Variants in GRHL2 observed in about 807,000 individuals in gnomAD.
GRHL2 encodes the protein grainyhead like transcription factor 2.
Under a neutral mutation model 83.8 loss-of-function variants are expected in GRHL2, and 21 were observed. That is an observed-to-expected ratio of 0.25 (90% CI 0.18 to 0.36). The LOEUF (loss-of-function observed/expected upper bound fraction) is 0.36. GRHL2 is among the 10% of genes least tolerant of loss of function. The pLI is 1.00. For synonymous variants in GRHL2, 280 were observed against 278.9 expected (o/e 1.00, Z -0.04); for missense variants, 623 against 781.8 (o/e 0.80, Z 2.42).
chr8:101,627,381 T>C (rs775580819), intron 9 of GRHL2, among the ~76,000 whole-genome samples: 1 of 152,074 alleles, frequency 6.6e-6, no homozygotes, highest in Non-Finnish European at 1.5e-5. Context: ...TTGGTGTTAC[T>C]ATTGTAATTG....
At chr8:101,659,966 T>G (rs868484549) in intron 14 of GRHL2, among the ~76,000 whole-genome samples, 3 of 152,224 alleles carry the variant, frequency 2.0e-5, no homozygotes, top group Non-Finnish European at 4.4e-5. Flanking sequence ...TACGTAGAAG[T>G]ATTTCAAAGA....
chr8:101,636,724 T>TACACACACAC lies in GRHL2; in HGVS notation c.1486-140_1486-131dup, dbSNP rs3029438. ...ACTTAAATATGCATTTCCTTAGAAA[T>TACACACACAC]ACACACACACACACACACACACACA... is the stretch of plus-strand genomic sequence containing the variant. On this transcript the variant is annotated intron_variant, in intron 11 of 15. Coordinates refer to ENST00000646743, the MANE Select transcript of GRHL2 (RefSeq NM_024915.4). 1,715 of 483,494 alleles carry TACACACACAC rather than the reference T, an allele frequency of 3.5e-3. 7 individuals carry two copies. The highest frequency in any genetic ancestry group is 5.9e-3 in the African/African-American group (291 of 49,526). The allele number at this position is 483,494 out of a possible 1,614,324, so 30.0% of individuals were successfully genotyped here. A position where few individuals can be genotyped will look rare whatever the true frequency, so the allele number is the denominator to read the frequency against.
intron 7 of GRHL2, among the ~76,000 whole-genome samples, chr8:101,589,424 G>T (rs1227289204): frequency 4.6e-5 from 7 of 152,212 alleles, no homozygotes; most frequent in Non-Finnish European, 5.9e-5. Context: ...GTGTGTCTAT[G>T]TACAGGATAT....
chr8:101,632,920 C>T (rs1813216050), intron 11 of GRHL2, among the ~76,000 whole-genome samples: 1 of 152,188 alleles, frequency 6.6e-6, no homozygotes, highest in African/African-American at 2.4e-5. Flanking sequence ...AACGAAAGAT[C>T]TCAAACTAAC....
At chr8:101,607,577 G>A (rs796152608) in intron 8 of GRHL2, among the ~76,000 whole-genome samples, 12 of 152,290 alleles carry the variant, frequency 7.9e-5, no homozygotes, top group African/African-American at 2.4e-4. Flanking sequence ...TTAAACAGGC[G>A]ATCTTGTGGA....
At chr8:101,536,894 A>G (rs1010825544) in intron 1 of GRHL2, among the ~76,000 whole-genome samples, 2 of 152,102 alleles carry the variant, frequency 1.3e-5, no homozygotes, top group South Asian at 4.2e-4. Flanking sequence ...AGTACCCAAT[A>G]GTCATTTTTT....
intron 13 of GRHL2, among the ~76,000 whole-genome samples, chr8:101,649,077 T>A (rs537364784): frequency 6.6e-6 from 1 of 152,282 alleles, no homozygotes; most frequent in South Asian, 2.1e-4. Flanking sequence ...CAGTAATATT[T>A]GTCAAAGGAA....
intron 14 of GRHL2, 117 bp from the exon 15 acceptor site, chr8:101,664,337 G>A: frequency 1.7e-6 from 1 of 598,436 alleles, no homozygotes; most frequent in East Asian, 3.0e-5. Flanking sequence ...CGACTCATGA[G>A]TGAAGAGCAC....
the GRHL2 span, among the ~76,000 whole-genome samples, chr8:101,678,698 G>A: frequency 6.6e-6 from 1 of 151,766 alleles, no homozygotes; most frequent in Non-Finnish European, 1.5e-5. Context: ...CAGCTTTGAA[G>A]AGAGCAGTGG....
intron 14 of GRHL2, among the ~76,000 whole-genome samples, chr8:101,661,024 T>A (rs553869431): frequency 1.3e-5 from 2 of 152,238 alleles, no homozygotes; most frequent in South Asian, 2.1e-4. Context: ...CATAACCCTA[T>A]GTGCCGAGCT....
intron 14 of GRHL2, among the ~76,000 whole-genome samples, chr8:101,652,564 G>A (rs1354934476): frequency 2.7e-5 from 2 of 75,340 alleles, no homozygotes; most frequent in African/African-American, 1.2e-4. Flanking sequence ...ATGTGTGGTG[G>A]TGTGTGTGTG....
intron 1 of GRHL2, among the ~76,000 whole-genome samples, chr8:101,538,247 C>G (rs193263165): frequency 6.1e-4 from 93 of 152,252 alleles, no homozygotes; most frequent in African/African-American, 1.7e-3. Context: ...CTGCATTTGA[C>G]TGCTATTATA....
intron 7 of GRHL2, among the ~76,000 whole-genome samples, chr8:101,595,394 A>G (rs1812371911): frequency 6.6e-6 from 1 of 152,202 alleles, no homozygotes; most frequent in Admixed American, 6.5e-5. Context: ...ACATGTTTGA[A>G]CAAATTTTCT....
At chr8:101,581,033 C>G (rs939392358) in intron 7 of GRHL2, among the ~76,000 whole-genome samples, 1 of 152,216 alleles carries the variant, frequency 6.6e-6, no homozygotes, top group Admixed American at 6.5e-5. Context: ...TCGAAGCCCT[C>G]TCTCCACCAT....
rs1563605478 is a variant in GRHL2 at position 101,608,749 on chromosome 8, AC to A, written c.1098+9599del. ...TGCTCACTCTCTCACACACACACAC[AC>A]ACACACACACACACACACACACACA... On this transcript the variant is annotated intron_variant, in intron 8 of 15. Coordinates refer to ENST00000646743, the MANE Select transcript of GRHL2 (RefSeq NM_024915.4). Among the ~76,000 whole-genome samples the A allele has an allele frequency of 1.2e-3, 169 of 141,778 alleles. 8 individuals are homozygous for A. The highest frequency in any genetic ancestry group is 1.0e-3 in the Non-Finnish European group (69 of 67,152). The allele number at this position is 141,778 out of a possible 152,430, so 93.0% of individuals were successfully genotyped here.
chr8:101,622,265 T>C (rs923744146), intron 9 of GRHL2, among the ~76,000 whole-genome samples: 11 of 152,176 alleles, frequency 7.2e-5, no homozygotes, highest in Middle Eastern at 3.2e-3. Context: ...AAGGATTTTA[T>C]ATGTAGCCAA....
At chr8:101,558,186 C>T (rs1160395273) in intron 3 of GRHL2, among the ~76,000 whole-genome samples, 1 of 152,074 alleles carries the variant, frequency 6.6e-6, no homozygotes, top group East Asian at 1.9e-4. Context: ...TTGTTTTTTA[C>T]AGTGAGACTG....
intron 9 of GRHL2, among the ~76,000 whole-genome samples, chr8:101,623,327 T>C (rs1813000506): frequency 6.6e-6 from 1 of 152,192 alleles, no homozygotes; most frequent in Admixed American, 6.5e-5. Flanking sequence ...CAGTACACAG[T>C]AGAACAGTTT....
At chr8:101,680,722 C>T in the GRHL2 span, among the ~76,000 whole-genome samples, 1,437 of 129,756 alleles carry the variant, frequency 0.011, 298 homozygotes, top group African/African-American at 0.041. Flanking sequence ...TTATAATAAA[C>T]TATCTCTCAG....
Sources: gnomAD v4.1 joint callset for allele counts (sites outside exome capture counted in the v4.1 genomes callset) on GRCh38, gnomAD v4.1.1 for gene constraint, MANE v1.5 for transcripts, NCBI Gene and HGNC (gene_info 2026-07-23, HGNC 2026-07-21) for gene names.